Variants in KCNH1 observed in about 807,000 individuals in gnomAD.
KCNH1 encodes potassium voltage-gated channel subfamily H member 1, also known as voltage-gated delayed rectifier potassium channel KCNH1.
A neutral mutation model predicts 69.2 loss-of-function variants in KCNH1; 27 were observed. The observed-to-expected ratio is 0.39, with a 90% CI of 0.29 to 0.54. The LOEUF (loss-of-function observed/expected upper bound fraction) is 0.54, where lower values mean the gene tolerates loss of function less well. KCNH1 is among the 20% of genes least tolerant of loss of function. The pLI, the probability that KCNH1 is intolerant of heterozygous loss-of-function variation, is 0.68. For synonymous variants in KCNH1, 456 were observed against 487.7 expected, an observed-to-expected ratio of 0.93 and a Z score of 0.86; for missense variants, 798 against 1,261.6, an observed-to-expected ratio of 0.63 and a Z score of 5.57.
At chr1:210,866,645 T>G (rs1345745643) in intron 7 of KCNH1, among the ~76,000 whole-genome samples, 1 of 152,044 alleles carries the variant, frequency 6.6e-6, no homozygotes, top group Non-Finnish European at 1.5e-5. Context: ...ACACTGAAAT[T>G]GTTGGAAGAA....
rs1170687120 is a variant in KCNH1, at chr1:211,088,175, A to G, written c.439+2387T>C. On this transcript the variant is annotated intron_variant, in intron 4 of 10. Coordinates refer to ENST00000271751, the MANE Select transcript of KCNH1 (RefSeq NM_172362.3). ...AACATCCCATGGGACAATGCCAAAG[A>G]GCAATTATCTGGGAATTTTCTGAGA... is the stretch of plus-strand genomic sequence containing the variant. Among the ~76,000 whole-genome samples the G allele has an allele frequency of 3.9e-5, 6 of 152,210 alleles. No homozygotes were observed. The East Asian group carries it at 9.6e-4, about 24-fold the overall frequency.
At chr1:210,824,162 C>T (rs987047526) in intron 7 of KCNH1, among the ~76,000 whole-genome samples, 6 of 7,974 alleles carry the variant, frequency 7.5e-4, no homozygotes, top group Non-Finnish European at 3.0e-3. Context: ...AAATGTGACC[C>T]CCCCTTAAAT....
intron 7 of KCNH1, among the ~76,000 whole-genome samples, chr1:210,901,485 A>G (rs955723868): frequency 1.3e-5 from 2 of 152,274 alleles, no homozygotes; most frequent in East Asian, 1.9e-4. Context: ...AGCGGAACAC[A>G]TGAAGTGGAG....
At chr1:210,795,924 C>T (rs549446948) in intron 9 of KCNH1, among the ~76,000 whole-genome samples, 28 of 150,992 alleles carry the variant, frequency 1.9e-4, no homozygotes, top group Non-Finnish European at 3.7e-4. Flanking sequence ...AGATTGAGAC[C>T]ATCCTGGCTA....
At chr1:210,836,527 T>A (rs1006462184) in intron 7 of KCNH1, among the ~76,000 whole-genome samples, 9 of 152,198 alleles carry the variant, frequency 5.9e-5, no homozygotes, top group Admixed American at 5.2e-4. Flanking sequence ...CTCCCTCATC[T>A]TCCCTGTCCA....
At chr1:210,817,165 A>C (rs749782070) in intron 7 of KCNH1, among the ~76,000 whole-genome samples, 2 of 152,092 alleles carry the variant, frequency 1.3e-5, no homozygotes, top group Non-Finnish European at 2.9e-5. Context: ...AATTACCCAA[A>C]ATAATAGATC....
chr1:210,841,631 A>G (rs1230012791), intron 7 of KCNH1, among the ~76,000 whole-genome samples: 9 of 152,178 alleles, frequency 5.9e-5, no homozygotes, highest in African/African-American at 2.2e-4. Context: ...GCCCATGCAG[A>G]TCCAAAATCT....
chr1:210,738,244 A>G (rs1344387900), intron 10 of KCNH1, among the ~76,000 whole-genome samples: 1 of 152,214 alleles, frequency 6.6e-6, no homozygotes, highest in Admixed American at 6.5e-5. Context: ...GCTTTTGCTC[A>G]AATGTCTCCT....
At chr1:211,100,783 C>T (rs958047566) in intron 3 of KCNH1, among the ~76,000 whole-genome samples, 1 of 152,222 alleles carries the variant, frequency 6.6e-6, no homozygotes, top group Admixed American at 6.5e-5. Flanking sequence ...TCAGTCTTCA[C>T]TACAGCTGCT....
chr1:210,833,362 G>C (rs4951654), intron 7 of KCNH1, among the ~76,000 whole-genome samples: 95,791 of 151,752 alleles, frequency 0.63, 31,419 homozygotes, highest in African/African-American at 0.81. Context: ...CAGAACAGAG[G>C]CCTCAGAAAT....
chr1:211,002,994 A>T (rs1689216664), intron 6 of KCNH1, among the ~76,000 whole-genome samples: 1 of 152,156 alleles, frequency 6.6e-6, no homozygotes, highest in South Asian at 2.1e-4. Flanking sequence ...AAATTTTGCC[A>T]GTGGCCTGTT....
chr1:211,031,606 A>T lies in KCNH1; in HGVS notation c.559-12350T>A, dbSNP rs181173217. 1.1e-4 allele frequency among the ~76,000 whole-genome samples: 16 copies of T among 152,342 alleles called. No homozygotes were observed. The East Asian group carries it at 3.1e-3, about 29-fold the overall frequency. On this transcript the variant is annotated intron_variant, in intron 5 of 10. Transcript: ENST00000271751. ...CCCTGGAATGCAAGGCGGGTTCAACATATGCAAATCAATAAAAATAATCCA... is the reference window on the plus strand; with the variant it reads ...CCCTGGAATGCAAGGCGGGTTCAACTTATGCAAATCAATAAAAATAATCCA...
intron 5 of KCNH1, among the ~76,000 whole-genome samples, chr1:211,033,656 T>C (rs1269897843): frequency 2.0e-5 from 3 of 151,502 alleles, no homozygotes; most frequent in Non-Finnish European, 4.4e-5. Context: ...CAACAAACTA[T>C]GGCAAGGACA....
At chr1:211,094,144 G>A (rs1558601904) in intron 3 of KCNH1, among the ~76,000 whole-genome samples, 1 of 152,176 alleles carries the variant, frequency 6.6e-6, no homozygotes, top group Non-Finnish European at 1.5e-5. Context: ...ATGGACTGGG[G>A]GTGGGGATGA....
At chr1:210,723,147 G>T (rs1442554908) in intron 10 of KCNH1, among the ~76,000 whole-genome samples, 1 of 152,104 alleles carries the variant, frequency 6.6e-6, no homozygotes, top group Non-Finnish European at 1.5e-5. Flanking sequence ...TGCCTGCCTG[G>T]CCTCACCCAT....
At chr1:211,094,021 T>C (rs1329531818) in intron 3 of KCNH1, among the ~76,000 whole-genome samples, 1 of 152,180 alleles carries the variant, frequency 6.6e-6, no homozygotes, top group Non-Finnish European at 1.5e-5. Context: ...AGGTATAAAC[T>C]ACATCCCCCA....
intron 7 of KCNH1, among the ~76,000 whole-genome samples, chr1:210,874,243 T>C (rs1686316064): frequency 6.6e-6 from 1 of 152,224 alleles, no homozygotes; most frequent in Non-Finnish European, 1.5e-5. Context: ...AGAAACCTGA[T>C]GCTGTCTTTG....
chr1:211,009,280 T>G (rs1689350202), intron 6 of KCNH1, among the ~76,000 whole-genome samples: 4 of 152,004 alleles, frequency 2.6e-5, no homozygotes, highest in Admixed American at 2.0e-4. Flanking sequence ...TTCAATAGAG[T>G]GACAAGGTTG....
intron 5 of KCNH1, among the ~76,000 whole-genome samples, chr1:211,032,466 C>G (rs1445422460): frequency 4.6e-5 from 7 of 152,214 alleles, no homozygotes; most frequent in East Asian, 1.9e-4. Flanking sequence ...CAATCCTAAG[C>G]CAAAAGAACA....
Sources: allele counts gnomAD v4.1 joint callset (sites outside exome capture counted in the v4.1 genomes callset), GRCh38; gene constraint gnomAD v4.1.1; transcripts MANE v1.5; gene names NCBI Gene and HGNC (gene_info 2026-07-23, HGNC 2026-07-21).